Variants in CTBP2 observed in about 807,000 individuals in gnomAD.
CTBP2 encodes C-terminal-binding protein 2.
A neutral mutation model predicts 80.3 loss-of-function variants in CTBP2; 30 were observed. The ratio of observed to expected loss-of-function variants is 0.37; its 90% CI spans 0.28 to 0.51. The LOEUF (loss-of-function observed/expected upper bound fraction) is 0.51, where lower values mean the gene tolerates loss of function less well. CTBP2 is among the 20% of genes least tolerant of loss of function. The pLI, the probability that CTBP2 is intolerant of heterozygous loss-of-function variation, is 0.93. For synonymous variants in CTBP2, 594 were observed against 587.4 expected (o/e 1.01, Z -0.16); for missense variants, 1,212 against 1,375.3 (o/e 0.88, Z 1.88).
At chr10:125,097,863 G>C (rs1358623869) in intron 2 of CTBP2, among the ~76,000 whole-genome samples, 1 of 152,126 alleles carries the variant, frequency 6.6e-6, no homozygotes, top group Admixed American at 6.5e-5. Context: ...TGTAATCCCA[G>C]CACAGCACCT....
intron 1 of CTBP2, among the ~76,000 whole-genome samples, chr10:125,003,831 C>T (rs775265591): frequency 4.0e-5 from 6 of 151,754 alleles, no homozygotes; most frequent in East Asian, 1.9e-4. Flanking sequence ...CTGCCTGCAC[C>T]GGCACCAGCT....
At chr10:125,035,700 C>G (rs753026426) in intron 3 of CTBP2, among the ~76,000 whole-genome samples, 1 of 152,224 alleles carries the variant, frequency 6.6e-6, no homozygotes, top group Non-Finnish European at 1.5e-5. Flanking sequence ...TGATTGTTAG[C>G]TAGCCCTCAT....
intron 2 of CTBP2, among the ~76,000 whole-genome samples, chr10:125,067,712 TAA>T (rs1178774835): frequency 6.6e-6 from 1 of 152,100 alleles, no homozygotes; most frequent in Non-Finnish European, 1.5e-5. Context: ...CTCAAAGCAG[TAA>T]GTTATAGCAA....
At chr10:125,052,443 G>A (rs547544830) in intron 2 of CTBP2, among the ~76,000 whole-genome samples, 1 of 152,272 alleles carries the variant, frequency 6.6e-6, no homozygotes, top group South Asian at 2.1e-4. Flanking sequence ...GACCCAGGAG[G>A]GAATGTTCTA....
chr10:125,047,764 T>A (rs1055679901), intron 2 of CTBP2, among the ~76,000 whole-genome samples: 1 of 152,216 alleles, frequency 6.6e-6, no homozygotes, highest in South Asian at 2.1e-4. Flanking sequence ...ATGTTAAACA[T>A]TGCTGTCTTA....
chr10:124,993,303 G>C lies in CTBP2; in HGVS notation c.2558C>G (p.Ala853Gly). The change falls in exon 7 of 9, where the codon GCC becomes GGC. Residue 853 changes from alanine (A) to glycine (G), a missense_variant. Coordinates refer to ENST00000309035, the MANE Select transcript of CTBP2 (RefSeq NM_022802.3). ...GTGAGGAGTGCAGATGAGATTCGGG[G>C]CATCTTTCAACGGACCCTGAGCAAA... 6.2e-7 allele frequency: 1 copy of C among 1,609,906 alleles called. No individual in the cohort carries two copies. Among genetic ancestry groups the C allele is most frequent in the Non-Finnish European group, 8.5e-7 (1 of 1,176,548 alleles).
chr10:125,125,590 G>A (rs538494607), intron 1 of CTBP2, among the ~76,000 whole-genome samples: 4 of 152,284 alleles, frequency 2.6e-5, no homozygotes, highest in South Asian at 2.1e-4. Context: ...TAATGGCTCC[G>A]AGTGAGTTAA....
At chr10:125,103,782 A>C (rs1851015766) in intron 2 of CTBP2, among the ~76,000 whole-genome samples, 1 of 152,120 alleles carries the variant, frequency 6.6e-6, no homozygotes, top group African/African-American at 2.4e-5. Context: ...TATATCCTAC[A>C]AACCTGCAGT....
intron 2 of CTBP2, chr10:125,100,573 G>A (rs940372904): frequency 3.9e-5 from 6 of 152,132 alleles, no homozygotes; most frequent in Non-Finnish European, 5.9e-5. Flanking sequence ...AAAAGAAGGC[G>A]TAACAACATT....
chr10:125,133,133 C>T (rs2136148018), intron 1 of CTBP2, among the ~76,000 whole-genome samples: 1 of 152,312 alleles, frequency 6.6e-6, no homozygotes, highest in East Asian at 1.9e-4. Flanking sequence ...CAATCCTGCT[C>T]AAGCTGCCAG....
chr10:125,047,580 G>C (rs1397251941), intron 2 of CTBP2, among the ~76,000 whole-genome samples: 2 of 152,228 alleles, frequency 1.3e-5, no homozygotes, highest in African/African-American at 2.4e-5. Context: ...ACTTGCAAAG[G>C]CAAGAGCCAC....
intron 2 of CTBP2, among the ~76,000 whole-genome samples, chr10:125,043,258 G>A (rs1426497658): frequency 6.6e-6 from 1 of 152,132 alleles, no homozygotes; most frequent in Non-Finnish European, 1.5e-5. Context: ...CAGGGGAAAG[G>A]GGAGGGTTCC....
In CTBP2 at chr10:125,027,553, G is replaced by C. The variant is rs753702393; in HGVS notation, c.207C>G (p.Tyr69Ter). The C allele has an allele frequency of 6.2e-7, 1 of 1,614,054 alleles. No individual in the cohort carries two copies. The highest frequency in any genetic ancestry group is 1.7e-5 in the Admixed American group (1 of 60,010). ...AGTTATAAACGGCCTCCCGGTACAG[G>C]TAGGGCTCGGCGGCCACGGGCAGGG... The change falls in exon 1 of 9, where the codon TAC becomes TAG. Residue 69 changes from tyrosine (Y) to a stop codon, truncating the protein, a stop_gained. Coordinates refer to ENST00000309035, the MANE Select transcript of CTBP2 (RefSeq NM_022802.3). LOFTEE classifies it high-confidence loss of function.
At chr10:124,991,511 G>T (rs111618230) in intron 8 of CTBP2, among the ~76,000 whole-genome samples, 2 of 152,350 alleles carry the variant, frequency 1.3e-5, no homozygotes, top group African/African-American at 4.8e-5. Context: ...AGACAGCCAT[G>T]TGACCTGCAA....
intron 1 of CTBP2, among the ~76,000 whole-genome samples, chr10:125,127,957 G>C (rs1410882179): frequency 7.2e-5 from 11 of 152,148 alleles, no homozygotes. Context: ...AAAGAGGTAG[G>C]ATATAAATAC....
chr10:125,021,601 T>G (rs145334545), intron 1 of CTBP2, among the ~76,000 whole-genome samples: 1 of 152,228 alleles, frequency 6.6e-6, no homozygotes, highest in East Asian at 1.9e-4. Context: ...GCAGGAGGGA[T>G]GATCACTGCT....
chr10:125,108,226 G>T (rs1456541531), intron 2 of CTBP2, among the ~76,000 whole-genome samples: 3 of 152,228 alleles, frequency 2.0e-5, no homozygotes, highest in Non-Finnish European at 4.4e-5. Flanking sequence ...GGAGAAGGCT[G>T]AAGTGTTTGA....
intron 8 of CTBP2, among the ~76,000 whole-genome samples, chr10:124,991,188 G>C (rs958127204): frequency 6.6e-6 from 1 of 152,222 alleles, no homozygotes; most frequent in African/African-American, 2.4e-5. Context: ...GTGGGACTCA[G>C]TGTATTCACA....
chr10:124,984,760 T>C lies in CTBP2; in HGVS notation c.*4758A>G, dbSNP rs745742213. ...TTGTATGATTTTCCCTTTGTCTTCATATTCCTCCAAAAGCTAGGTAATGAG... is the reference window on the plus strand; with the variant it reads ...TTGTATGATTTTCCCTTTGTCTTCACATTCCTCCAAAAGCTAGGTAATGAG... On this transcript the variant is annotated 3_prime_UTR_variant, in exon 9 of 9. Transcript: ENST00000309035. 1 of 1,611,056 alleles carries C rather than the reference T, an allele frequency of 6.2e-7. No individual in the cohort carries two copies. The highest frequency in any genetic ancestry group is 1.1e-5 in the South Asian group (1 of 90,882).
Sources: gnomAD v4.1 joint callset for allele counts (sites outside exome capture counted in the v4.1 genomes callset) on GRCh38, gnomAD v4.1.1 for gene constraint, MANE v1.5 for transcripts, NCBI Gene and HGNC (gene_info 2026-07-23, HGNC 2026-07-21) for gene names.